Variants in SH3RF1 observed in about 807,000 individuals in gnomAD.
SH3RF1 encodes the protein E3 ubiquitin-protein ligase SH3RF1.
In SH3RF1, 32 loss-of-function variants were observed where a neutral mutation model predicts 74.0. The ratio of observed to expected loss-of-function variants is 0.43; its 90% CI spans 0.33 to 0.58. The LOEUF is 0.58. SH3RF1 is among the 20% of genes least tolerant of loss of function. The pLI, the probability that SH3RF1 is intolerant of heterozygous loss-of-function variation, is 0.05. For synonymous variants in SH3RF1, 396 were observed against 439.6 expected, an observed-to-expected ratio of 0.90 and a Z score of 1.24; for missense variants, 954 against 1,130.9, an observed-to-expected ratio of 0.84 and a Z score of 2.24.
At chr4:169,102,646 T>C (rs1180341931) in intron 11 of SH3RF1, among the ~76,000 whole-genome samples, 1 of 152,122 alleles carries the variant, frequency 6.6e-6, no homozygotes, top group Non-Finnish European at 1.5e-5. Context: ...CCCTCTAAAA[T>C]AGAGCCTAAT....
rs367840557 is a variant in SH3RF1, at chr4:169,120,813, C to G, written c.1517+6G>C. On this transcript the variant is annotated splice_donor_region_variant and intron_variant, in intron 8 of 11. Coordinates refer to ENST00000284637, the MANE Select transcript of SH3RF1 (RefSeq NM_020870.4). ...AACATAGTAAACAATGTATTCAAAA[C>G]CATACCTTGTGACTGGTGCCACATA... is the stretch of plus-strand genomic sequence containing the variant. The G allele has an allele frequency of 1.9e-6, 3 of 1,613,322 alleles. No individual in the cohort carries two copies. Among genetic ancestry groups the G allele is most frequent in the African/African-American group, 2.7e-5 (2 of 75,018 alleles).
chr4:169,097,144 C>G (rs1732945032), intron 11 of SH3RF1, among the ~76,000 whole-genome samples: 1 of 152,166 alleles, frequency 6.6e-6, no homozygotes. Context: ...TAAGGAGGCT[C>G]TGCTCCACCT....
intron 2 of SH3RF1, among the ~76,000 whole-genome samples, chr4:169,181,988 A>G (rs551275798): frequency 1.3e-4 from 20 of 152,220 alleles, no homozygotes; most frequent in Non-Finnish European, 2.5e-4. Context: ...GAGAGAAACC[A>G]TATTTGTTTT....
chr4:169,157,362 T>C (rs1465370768), intron 2 of SH3RF1, among the ~76,000 whole-genome samples: 2 of 152,216 alleles, frequency 1.3e-5, no homozygotes, highest in African/African-American at 4.8e-5. Context: ...CCTAAGATCA[T>C]TCAACTTTGC....
intron 2 of SH3RF1, among the ~76,000 whole-genome samples, chr4:169,207,242 G>A (rs1014307086): frequency 7.9e-5 from 12 of 152,074 alleles, no homozygotes; most frequent in Non-Finnish European, 1.8e-4. Flanking sequence ...ATAAGAGCCT[G>A]GCCAAAAGAC....
chr4:169,175,757 C>A (rs1271667782), intron 2 of SH3RF1, among the ~76,000 whole-genome samples: 3 of 152,166 alleles, frequency 2.0e-5, no homozygotes, highest in African/African-American at 7.2e-5. Flanking sequence ...GAATCACAGG[C>A]CTATATCCAT....
chr4:169,156,675 A>G lies in SH3RF1; in HGVS notation c.398T>C (p.Ile133Thr). ...TGCTTTGGCACATGGTAACTGAGGT[A>G]TACCCTTTAAAAAAAAAAGAGGGAT... ...VQSWSPPVRG[I>T]PQLPCAKALY... Residue 133 changes from isoleucine (I) to threonine (T), a missense_variant, in exon 3 of 12, where the codon ATA becomes ACA. Ile to Thr is a moderately conservative substitution (Grantham distance 89). Transcript: ENST00000284637. The G allele has an allele frequency of 6.4e-7, 1 of 1,560,324 alleles. No individual in the cohort carries two copies.
chr4:169,249,984 G>A (rs6829808), intron 2 of SH3RF1, among the ~76,000 whole-genome samples: 4,388 of 152,224 alleles, frequency 0.029, 211 homozygotes, highest in African/African-American at 0.1. Flanking sequence ...TCTGAAGTCT[G>A]ATTTGAATCC....
chr4:169,100,292 T>C (rs1303552143), intron 11 of SH3RF1, among the ~76,000 whole-genome samples: 6 of 152,186 alleles, frequency 3.9e-5, no homozygotes, highest in African/African-American at 1.4e-4. Flanking sequence ...CTCCTCTTCA[T>C]TGTCACTGTC....
intron 2 of SH3RF1, among the ~76,000 whole-genome samples, chr4:169,206,691 C>A (rs908701339): frequency 2.0e-5 from 3 of 152,094 alleles, no homozygotes; most frequent in Admixed American, 6.5e-5. Context: ...TTGGGTGCAT[C>A]AAAGGTCTAA....
At chr4:169,171,960 T>C (rs1734336042) in intron 2 of SH3RF1, among the ~76,000 whole-genome samples, 1 of 152,238 alleles carries the variant, frequency 6.6e-6, no homozygotes, top group South Asian at 2.1e-4. Flanking sequence ...ATCATAATAC[T>C]GCAAATGCTA....
chr4:169,113,118 T>G (rs1332328776), intron 10 of SH3RF1, among the ~76,000 whole-genome samples: 1 of 151,556 alleles, frequency 6.6e-6, no homozygotes, highest in African/African-American at 2.4e-5. Context: ...TTTCTTTTTT[T>G]TTTCCCCCCT....
intron 2 of SH3RF1, among the ~76,000 whole-genome samples, chr4:169,237,923 C>T (rs1229983851): frequency 6.6e-6 from 1 of 152,136 alleles, no homozygotes; most frequent in African/African-American, 2.4e-5. Flanking sequence ...TATAGCTCCT[C>T]ATCTCCCACC....
intron 2 of SH3RF1, among the ~76,000 whole-genome samples, chr4:169,232,592 A>T (rs1460999439): frequency 6.6e-6 from 1 of 152,196 alleles, no homozygotes; most frequent in African/African-American, 2.4e-5. Context: ...CTTTGGTCAC[A>T]TCCTATCCCA....
At chr4:169,206,199 T>G (rs1217840579) in intron 2 of SH3RF1, among the ~76,000 whole-genome samples, 2 of 152,216 alleles carry the variant, frequency 1.3e-5, no homozygotes, top group African/African-American at 2.4e-5. Flanking sequence ...ACCTATGGAA[T>G]CTTCACTGCT....
chr4:169,116,522 G>A lies in SH3RF1; in HGVS notation c.1886C>T (p.Ala629Val). The change falls in exon 10 of 12, where the codon GCC becomes GTC. Residue 629 changes from alanine (A) to valine (V), a missense_variant. Physicochemically the swap from Ala to Val is moderately conservative, Grantham distance 64. Around this residue, in one of 3 missense-constraint regions of SH3RF1, gnomAD observed 854 missense variants for 962.5 expected, o/e 0.89. Transcript: ENST00000284637. ...CATCAGAGGCGCAGGTTGTGGGGAG[G>A]CCAGCGAGTGATGGGACAGGCCCAC... ...ASVGLSHHSL[A>V]SPQPAPLMPG... The A allele has an allele frequency of 1.2e-6, 2 of 1,613,108 alleles. No homozygotes were observed. Among genetic ancestry groups the A allele is most frequent in the Admixed American group, 3.3e-5 (2 of 59,948 alleles).
chr4:169,165,627 G>GA lies in SH3RF1; in HGVS notation c.394-8949dup, dbSNP rs1223633764. The stretch of plus-strand genomic sequence containing the variant: ...TGACAGAGCAAGACTCTGTCTCAGA[G>GA]AAAAAAAGGCGGGGGGGGGAGTCAG... On this transcript the variant is annotated intron_variant, in intron 2 of 11. Coordinates refer to ENST00000284637, the MANE Select transcript of SH3RF1 (RefSeq NM_020870.4). 2.9e-5 allele frequency among the ~76,000 whole-genome samples: 4 copies of GA among 135,622 alleles called. No individual in the cohort carries two copies. The East Asian group carries it at 7.6e-4, about 26-fold the overall frequency. 89.0% of individuals were successfully genotyped at this position (135,622 alleles called of 152,430 possible). A position where few individuals can be genotyped will look rare whatever the true frequency, so the allele number is the denominator to read the frequency against.
At chr4:169,221,198 CA>C (rs1181980053) in intron 2 of SH3RF1, among the ~76,000 whole-genome samples, 1 of 152,144 alleles carries the variant, frequency 6.6e-6, no homozygotes, top group Admixed American at 6.5e-5. Context: ...AAACCGCAGG[CA>C]AGTCAAGTAG....
In SH3RF1 at chr4:169,107,020, C is replaced by T; in HGVS notation, c.2325G>A (p.Val775=). The T allele has an allele frequency of 2.5e-6, 4 of 1,613,896 alleles. No individual in the cohort carries two copies. Among genetic ancestry groups the T allele is most frequent in the Non-Finnish European group, 3.4e-6 (4 of 1,179,962 alleles). ...CAGTCGTGACCGGTCCGTCCCCGTC[C>T]ACAGGGCAGGAGCCTGCCCTGCCAT... The part of the protein sequence containing the change: ...GGHGRAGSCP[V]DGDGPVTTAV... Residue 775 remains valine, a synonymous_variant, in exon 11 of 12, where the codon GTG becomes GTA. Coordinates refer to ENST00000284637, the MANE Select transcript of SH3RF1 (RefSeq NM_020870.4).
Sources: allele counts gnomAD v4.1 joint callset (sites outside exome capture counted in the v4.1 genomes callset), GRCh38; gene constraint gnomAD v4.1.1; regional missense constraint gnomAD v4.1.1; transcripts MANE v1.5; gene names NCBI Gene and HGNC (gene_info 2026-07-23, HGNC 2026-07-21).